Variants in HPF1 observed in about 807,000 individuals in gnomAD.
HPF1 encodes histone PARylation factor 1.
A neutral mutation model predicts 38.8 loss-of-function variants in HPF1; 35 were observed. The observed-to-expected ratio is 0.90, with a 90% CI of 0.69 to 1.19. HPF1 has a LOEUF of 1.19. Ranked by LOEUF, HPF1 falls within the 50% of genes most tolerant of loss-of-function variation. The probability of loss-of-function intolerance (pLI) is 0.00; values close to 1 mark genes in which losing one functional copy is unlikely to be tolerated. For synonymous variants in HPF1, 115 were observed against 139.2 expected (o/e 0.83, Z 1.22); for missense variants, 367 against 405.8 (o/e 0.90, Z 0.82).
At position 169,737,660 on chromosome 4, in the gene HPF1, C is replaced by T; in HGVS notation, c.736G>A (p.Ala246Thr). ...ACATGTTTACTATGAAATACATTAC[C>T]ATCTGTTTCAGGGAGCTCTCGGTAC... is the stretch of plus-strand genomic sequence containing the variant. ...VGYRELPETD[A>T]DLKRICKTIV... Residue 246 changes from alanine (A) to threonine (T), a missense_variant and splice_region_variant, in exon 6 of 8, where the codon GCT (alanine) becomes ACT (threonine). Ala to Thr is a moderately conservative substitution (Grantham distance 58). Coordinates refer to ENST00000393381, the MANE Select transcript of HPF1 (RefSeq NM_017867.3). 1 of 1,561,604 alleles carries T rather than the reference C, an allele frequency of 6.4e-7. No individual in the cohort carries two copies. Among genetic ancestry groups the T allele is most frequent in the Non-Finnish European group, 8.8e-7 (1 of 1,132,402 alleles).
intron 7 of HPF1, 43 bp from the exon 8 acceptor site, chr4:169,729,752 T>C: frequency 7.5e-7 from 1 of 1,326,062 alleles, no homozygotes; most frequent in Non-Finnish European, 9.9e-7. Context: ...ATATAGCAGA[T>C]ATCCTAATAA....
chr4:169,752,810 G>A (rs893259368), intron 2 of HPF1, among the ~76,000 whole-genome samples: 19 of 152,082 alleles, frequency 1.2e-4, no homozygotes, highest in Non-Finnish European at 2.8e-4. Context: ...CATAAGACAA[G>A]TTCTTGGAAG....
chr4:169,753,691 G>T lies in HPF1; in HGVS notation c.193C>A (p.Pro65Thr). The change falls in exon 2 of 8, where the codon CCT becomes ACT. Residue 65 changes from proline to threonine, a missense_variant. Transcript: ENST00000393381. ...HFWKFCEELD[P>T]EKPSDSLSAS... ...AGCAACTCACCAGATGGCTTTTCAGGATCAAGTTCTTCACAGAACTTCCAG... is the reference window on the plus strand; with the variant it reads ...AGCAACTCACCAGATGGCTTTTCAGTATCAAGTTCTTCACAGAACTTCCAG... 1.9e-6 allele frequency: 3 copies of T among 1,611,078 alleles called. No homozygotes were observed. The highest frequency in any genetic ancestry group is 2.5e-6 in the Non-Finnish European group (3 of 1,179,326).
chr4:169,748,745 T>C lies in HPF1; in HGVS notation c.496A>G (p.Lys166Glu). Reference protein sequence around the residue: ...PNGDNVFAAVKLFLTKKLREI... With the variant: ...PNGDNVFAAVELFLTKKLREI... ...AAATATAAATTAAAATATTCTTACT[T>C]GACTGCAGCAAATACATTATCTCCA... The change falls in exon 4 of 8, where the codon AAA becomes GAA. Residue 166 changes from lysine to glutamate, a missense_variant and splice_region_variant. Transcript: ENST00000393381. 3.0e-6 allele frequency: 4 copies of C among 1,314,936 alleles called. No homozygotes were observed. Among genetic ancestry groups the C allele is most frequent in the Non-Finnish European group, 3.2e-6 (3 of 946,130 alleles). 81.5% of individuals were successfully genotyped at this position (1,314,936 alleles called of 1,614,324 possible). A position where few individuals can be genotyped will look rare whatever the true frequency, so the allele number is the denominator to read the frequency against.
Position 169,750,558 on chromosome 4 carries a change from G to C in HPF1, c.376C>G (p.Gln126Glu). The C allele has an allele frequency of 6.2e-7, 1 of 1,607,990 alleles. No homozygotes were observed. The highest frequency in any genetic ancestry group is 2.2e-5 in the East Asian group (1 of 44,790). The change falls in exon 3 of 8, where the codon CAG becomes GAG. Residue 126 changes from glutamine to glutamate, a missense_variant. By Grantham distance (29) the Gln-to-Glu change is conservative. Coordinates refer to ENST00000393381, the MANE Select transcript of HPF1 (RefSeq NM_017867.3). ...QTIIIGDNKT[Q>E]YHMGYFRDSP... Reference sequence around the variant, plus strand: ...TACCTGAAATACCCCATGTGGTACTGAGTTTTATTATCTCCAATAATAATG... The same window carrying C: ...TACCTGAAATACCCCATGTGGTACTCAGTTTTATTATCTCCAATAATAATG...
chr4:169,730,447 C>T (rs1733814591), intron 7 of HPF1, among the ~76,000 whole-genome samples: 2 of 152,168 alleles, frequency 1.3e-5, no homozygotes, highest in Admixed American at 6.5e-5. Flanking sequence ...GGCTGTTAAG[C>T]ATTTTGATTA....
rs1187868440 is a variant in HPF1, at chr4:169,740,670, T to C, written c.648+1287A>G. 7.2e-5 allele frequency among the ~76,000 whole-genome samples: 11 copies of C among 152,350 alleles called. No homozygotes were observed. The East Asian group carries it at 1.7e-3, about 24-fold the overall frequency. The stretch of plus-strand genomic sequence containing the variant: ...AAAAACATGATTGTCTTGAAAGTTC[T>C]TTTTTGTCTTTGTTTTTACCAGCTG... On this transcript the variant is annotated intron_variant, in intron 5 of 7. Coordinates refer to ENST00000393381, the MANE Select transcript of HPF1 (RefSeq NM_017867.3).
chr4:169,755,305 A>G (rs558489964), intron 1 of HPF1, among the ~76,000 whole-genome samples: 86 of 152,268 alleles, frequency 5.6e-4, no homozygotes, highest in African/African-American at 1.9e-3. Flanking sequence ...AAGGGTTTGA[A>G]TTTTGTGGAC....
At chr4:169,744,623 A>G (rs1191998069) in intron 4 of HPF1, among the ~76,000 whole-genome samples, 5 of 152,250 alleles carry the variant, frequency 3.3e-5, no homozygotes, top group Non-Finnish European at 5.9e-5. Flanking sequence ...AAACTTATAT[A>G]TCAAATTCAT....
At chr4:169,745,302 C>T (rs1734033302) in intron 4 of HPF1, among the ~76,000 whole-genome samples, 1 of 152,214 alleles carries the variant, frequency 6.6e-6, no homozygotes, top group South Asian at 2.1e-4. Context: ...AAGGGCACGG[C>T]CTGGCCACCA....
intron 7 of HPF1, among the ~76,000 whole-genome samples, chr4:169,731,345 T>G (rs1385058506): frequency 6.6e-6 from 1 of 152,132 alleles, no homozygotes; most frequent in African/African-American, 2.4e-5. Flanking sequence ...CTAAGGTGTG[T>G]GCACACACCC....
chr4:169,731,717 CA>C lies in HPF1; in HGVS notation c.895del (p.Cys299AlafsTer22). 1.3e-6 allele frequency: 2 copies of C among 1,552,428 alleles called. No individual in the cohort carries two copies. Among genetic ancestry groups the C allele is most frequent in the South Asian group, 2.5e-5 (2 of 79,556 alleles). On this transcript the variant is annotated frameshift_variant, in exon 7 of 8. Coordinates refer to ENST00000393381, the MANE Select transcript of HPF1 (RefSeq NM_017867.3). LOFTEE classifies it high-confidence loss of function. ...MGLELGMDLF[C>X]YGSHYFHKVA... ...TTTTTTACTCACATGTGAGCCATAG[CA>C]AAAGAGATCCATTCCCAATTCAAGC...
chr4:169,752,848 T>C (rs1267633384), intron 2 of HPF1, among the ~76,000 whole-genome samples: 1 of 152,148 alleles, frequency 6.6e-6, no homozygotes, highest in Non-Finnish European at 1.5e-5. Flanking sequence ...CTGCAACACA[T>C]GAAAGAGCTT....
intron 6 of HPF1, among the ~76,000 whole-genome samples, chr4:169,733,483 G>C (rs1733855140): frequency 6.6e-6 from 1 of 152,162 alleles, no homozygotes; most frequent in Admixed American, 6.5e-5. Context: ...TACTGGGGGA[G>C]AGGAAGACTG....
intron 4 of HPF1, among the ~76,000 whole-genome samples, chr4:169,746,147 C>A: frequency 6.6e-6 from 1 of 152,160 alleles, no homozygotes; most frequent in East Asian, 1.9e-4. Flanking sequence ...CACTTCATAA[C>A]AAATTCAACA....
At position 169,740,080 on chromosome 4, in the gene HPF1, T is replaced by C. The variant is rs72696685; in HGVS notation, c.648+1877A>G. Among the ~76,000 whole-genome samples the C allele has an allele frequency of 5.5e-3, 836 of 152,308 alleles. 12 individuals carry two copies. The highest frequency in any genetic ancestry group is 0.052 in the South Asian group (252 of 4,816). On this transcript the variant is annotated intron_variant, in intron 5 of 7. Coordinates refer to ENST00000393381, the MANE Select transcript of HPF1 (RefSeq NM_017867.3). ...AGCTGTATAGGGGTGGGTGACATCC[T>C]GAAGCATGGGATCACAGGTGGATGG...
intron 5 of HPF1, 138 bp from the exon 6 acceptor site, chr4:169,737,885 G>T: frequency 1.6e-6 from 1 of 640,870 alleles, no homozygotes; most frequent in South Asian, 1.9e-5. Context: ...TTGGACTCCA[G>T]GGTAAAAATT....
intron 1 of HPF1, among the ~76,000 whole-genome samples, chr4:169,754,941 T>C (rs950874098): frequency 1.3e-5 from 2 of 152,042 alleles, no homozygotes; most frequent in African/African-American, 2.4e-5. Context: ...TATTATACTT[T>C]AAGTTTTAGG....
chr4:169,738,492 G>A (rs1336640062), intron 5 of HPF1, among the ~76,000 whole-genome samples: 4 of 152,114 alleles, frequency 2.6e-5, no homozygotes, highest in Middle Eastern at 3.2e-3. Flanking sequence ...AGTTTCCAAG[G>A]CAGAGGAAGG....
Sources: allele counts gnomAD v4.1 joint callset (sites outside exome capture counted in the v4.1 genomes callset), GRCh38; gene constraint gnomAD v4.1.1; transcripts MANE v1.5; gene names NCBI Gene and HGNC (gene_info 2026-07-23, HGNC 2026-07-21).